Variants in SRD5A2 observed in about 807,000 individuals in gnomAD.
SRD5A2 encodes 3-oxo-5-alpha-steroid 4-dehydrogenase 2.
SRD5A2 carries 30 observed loss-of-function variants against 27.4 expected under a neutral mutation model. The observed-to-expected ratio is 1.10, with a 90% confidence interval of 0.82 to 1.49. SRD5A2 has a LOEUF of 1.49. Ranked by LOEUF, SRD5A2 falls within the 40% of genes most tolerant of loss-of-function variation. The pLI is 0.00. For synonymous variants in SRD5A2, 141 were observed against 133.6 expected (o/e 1.06, Z -0.38); for missense variants, 348 against 323.4 (o/e 1.08, Z -0.58).
Position 31,525,882 on chromosome 2 carries a change from A to G in SRD5A2, c.*314T>C, listed in dbSNP as rs901173664. ...TGACAGGGAGTGGGTATGAAGCCAC[A>G]TGTACTTGGATTGCCCGGTGAAAGA... On this transcript the variant is annotated 3_prime_UTR_variant, in exon 5 of 5. Coordinates refer to ENST00000622030, the MANE Select transcript of SRD5A2 (RefSeq NM_000348.4). The G allele has an allele frequency of 1.3e-5, 4 of 305,860 alleles. No individual in the cohort carries two copies. Among genetic ancestry groups the G allele is most frequent in the East Asian group, 9.2e-5 (2 of 21,786 alleles). 18.9% of individuals were successfully genotyped at this position (305,860 alleles called of 1,614,324 possible).
chr2:31,544,982 C>A (rs1451623710), intron 1 of SRD5A2, among the ~76,000 whole-genome samples: 1 of 151,648 alleles, frequency 6.6e-6, no homozygotes. Context: ...AAATACTAAA[C>A]CTACCAAGAC....
At chr2:31,629,152 A>G in the SRD5A2 span, among the ~76,000 whole-genome samples, 3 of 152,254 alleles carry the variant, frequency 2.0e-5, no homozygotes, top group East Asian at 5.8e-4. Flanking sequence ...ACCCATGGAG[A>G]AGGTTTGTCC....
chr2:31,599,329 A>G, the SRD5A2 span, among the ~76,000 whole-genome samples: 2 of 152,080 alleles, frequency 1.3e-5, no homozygotes, highest in African/African-American at 4.8e-5. Flanking sequence ...ATATTTATGG[A>G]ACATTTTATC....
chr2:31,657,640 TGTC>T, the SRD5A2 span, among the ~76,000 whole-genome samples: 1,359 of 152,282 alleles, frequency 8.9e-3, 16 homozygotes, highest in South Asian at 0.029. Flanking sequence ...TATTATGACA[TGTC>T]ATGGTTTTGA....
the SRD5A2 span, among the ~76,000 whole-genome samples, chr2:31,607,960 A>G: frequency 6.6e-6 from 1 of 151,878 alleles, no homozygotes; most frequent in Admixed American, 6.6e-5. Flanking sequence ...CAGCTATGTA[A>G]CGGTACAATG....
chr2:31,629,865 G>A, the SRD5A2 span, among the ~76,000 whole-genome samples: 3 of 152,074 alleles, frequency 2.0e-5, no homozygotes, highest in South Asian at 4.1e-4. Context: ...TGCCTCCTAG[G>A]TACCAATGGT....
chr2:31,633,919 C>T, the SRD5A2 span, among the ~76,000 whole-genome samples: 1 of 152,112 alleles, frequency 6.6e-6, no homozygotes, highest in Non-Finnish European at 1.5e-5. Context: ...ACATTGTGCA[C>T]ATGTACCCTA....
intron 1 of SRD5A2, among the ~76,000 whole-genome samples, chr2:31,565,227 T>C (rs567872032): frequency 8.6e-4 from 130 of 151,430 alleles, no homozygotes; most frequent in African/African-American, 3.1e-3. Context: ...ACAATATAAA[T>C]TGAAATAAAA....
At chr2:31,653,979 G>A in the SRD5A2 span, among the ~76,000 whole-genome samples, 1 of 151,894 alleles carries the variant, frequency 6.6e-6, no homozygotes, top group African/African-American at 2.4e-5. Context: ...ACACAACTAG[G>A]AGACAGATAA....
chr2:31,531,152 C>T (rs1665898265), intron 3 of SRD5A2, among the ~76,000 whole-genome samples: 1 of 152,216 alleles, frequency 6.6e-6, no homozygotes, highest in South Asian at 2.1e-4. Context: ...CGGTCTCGCA[C>T]CTTCCTGAGG....
the SRD5A2 span, among the ~76,000 whole-genome samples, chr2:31,635,616 C>CA: frequency 6.6e-6 from 1 of 151,962 alleles, no homozygotes; most frequent in Non-Finnish European, 1.5e-5. Context: ...GGTGTTATGC[C>CA]AAAAAAATCT....
chr2:31,575,602 A>G (rs1666943661), intron 1 of SRD5A2, among the ~76,000 whole-genome samples: 1 of 152,206 alleles, frequency 6.6e-6, no homozygotes, highest in African/African-American at 2.4e-5. Flanking sequence ...TGACTAATAA[A>G]GCAAAAAGCA....
chr2:31,624,881 G>A, the SRD5A2 span, among the ~76,000 whole-genome samples: 7 of 152,134 alleles, frequency 4.6e-5, no homozygotes, highest in Non-Finnish European at 1.5e-5. Flanking sequence ...ACCCTGTAAT[G>A]GAATTGCTGG....
chr2:31,655,627 G>A, the SRD5A2 span, among the ~76,000 whole-genome samples: 305 of 152,270 alleles, frequency 2.0e-3, no homozygotes, highest in African/African-American at 6.6e-3. Flanking sequence ...CTCTTGCCCT[G>A]ATCTCATCAG....
chr2:31,641,947 A>C, the SRD5A2 span, among the ~76,000 whole-genome samples: 2 of 152,094 alleles, frequency 1.3e-5, no homozygotes, highest in Admixed American at 6.5e-5. Flanking sequence ...TAGCCAAATA[A>C]GTCTGAAAAA....
chr2:31,606,481 G>C, the SRD5A2 span, among the ~76,000 whole-genome samples: 12 of 152,030 alleles, frequency 7.9e-5, 1 homozygote, highest in African/African-American at 9.6e-5. Context: ...GTCTGGGGGA[G>C]TCTCAAACAT....
chr2:31,563,492 C>T (rs1352318162), intron 1 of SRD5A2: 1 of 152,030 alleles, frequency 6.6e-6, no homozygotes, highest in Admixed American at 6.6e-5. Context: ...TCATAACTGA[C>T]CCAGCTTCCT....
the SRD5A2 span, among the ~76,000 whole-genome samples, chr2:31,649,462 A>G: frequency 1.1e-4 from 16 of 152,184 alleles, no homozygotes; most frequent in South Asian, 6.2e-4. Context: ...AAAATAAATT[A>G]TTAGCCCAAA....
chr2:31,628,420 T>C, the SRD5A2 span, among the ~76,000 whole-genome samples: 2 of 152,268 alleles, frequency 1.3e-5, no homozygotes, highest in South Asian at 4.1e-4. Context: ...TGCATCTTTA[T>C]CCAACTTGCC....
Sources: allele counts gnomAD v4.1 joint callset (sites outside exome capture counted in the v4.1 genomes callset), GRCh38; gene constraint gnomAD v4.1.1; transcripts MANE v1.5; gene names NCBI Gene and HGNC (gene_info 2026-07-23, HGNC 2026-07-21).